DNAAF11: variants seen among roughly 807,000 people sequenced by gnomAD.
DNAAF11 encodes leucine rich repeat containing 6.
In DNAAF11, 45 loss-of-function variants were observed where a neutral mutation model predicts 60.8. The ratio of observed to expected loss-of-function variants is 0.74; its 90% CI spans 0.58 to 0.95. DNAAF11 has a LOEUF of 0.95. Among genes scored for constraint, DNAAF11 ranks in the 40% least tolerant of loss-of-function variants. The pLI is 0.00. For synonymous variants in DNAAF11, 191 were observed against 183.5 expected (o/e 1.04, Z -0.33); for missense variants, 546 against 546.2 (o/e 1.00, Z 0.00).
intron 3 of DNAAF11, among the ~76,000 whole-genome samples, chr8:132,638,928 C>T (rs1821581168): frequency 6.6e-6 from 1 of 152,172 alleles, no homozygotes. Flanking sequence ...CTTCCTCTAC[C>T]TCATCCTTGC....
intron 1 of DNAAF11, among the ~76,000 whole-genome samples, chr8:132,666,210 G>T (rs1015576437): frequency 6.6e-6 from 1 of 152,124 alleles, no homozygotes; most frequent in African/African-American, 2.4e-5. Context: ...ATATACCCAT[G>T]TAACAAACCT....
intron 7 of DNAAF11, among the ~76,000 whole-genome samples, chr8:132,616,042 C>G (rs1229694915): frequency 6.6e-6 from 1 of 152,006 alleles, no homozygotes; most frequent in African/African-American, 2.4e-5. Flanking sequence ...ATCTCAGGAG[C>G]CTTTTTATAT....
Position 132,661,539 on chromosome 8 carries a change from T to G in DNAAF11, c.99A>C (p.Ile33=). The change falls in exon 2 of 12, where the codon ATA becomes ATC. Residue 33 remains isoleucine (I), a synonymous_variant. Coordinates refer to ENST00000620350, the MANE Select transcript of DNAAF11 (RefSeq NM_012472.6). The part of the protein sequence containing the change: ...LEELSLHQQE[I]ERLEHIDKWC... ...ATTTATCAATGTGTTCTAGTCTTTC[T>G]ATTTCTTGCTGATGCAACGAGAGTT... The G allele has an allele frequency of 1.2e-6, 2 of 1,613,916 alleles. No homozygotes were observed. The highest frequency in any genetic ancestry group is 1.7e-6 in the Non-Finnish European group (2 of 1,179,774).
At chr8:132,587,477 C>A (rs1015366167) in intron 10 of DNAAF11, among the ~76,000 whole-genome samples, 1 of 151,774 alleles carries the variant, frequency 6.6e-6, no homozygotes, top group African/African-American at 2.4e-5. Context: ...TCAAATTTGC[C>A]CAAGCAGAGG....
intron 6 of DNAAF11, among the ~76,000 whole-genome samples, chr8:132,624,257 G>C (rs1820037426): frequency 6.6e-6 from 1 of 152,098 alleles, no homozygotes; most frequent in Non-Finnish European, 1.5e-5. Flanking sequence ...ACAGTACAGT[G>C]GGGTAGGTAA....
At chr8:132,683,761 A>T in the DNAAF11 span, among the ~76,000 whole-genome samples, 5 of 152,308 alleles carry the variant, frequency 3.3e-5, no homozygotes, top group East Asian at 7.7e-4. Context: ...GGTACCCAGC[A>T]TCTTTTCTCC....
rs1363620519 is a variant in DNAAF11, at chr8:132,632,956, T to C, written c.437A>G (p.Asp146Gly). Residue 146 changes from aspartate to glycine, a missense_variant, in exon 5 of 12, where the codon GAT (aspartate) becomes GGT (glycine). Physicochemically the swap from Asp to Gly is moderately conservative, Grantham distance 94. Coordinates refer to ENST00000620350, the MANE Select transcript of DNAAF11 (RefSeq NM_012472.6). The stretch of plus-strand genomic sequence containing the variant: ...TTCTGAAGGCTCTATTTCTTTACCA[T>C]CCAACCACTTAAAGAAAAACAATAA... ...VATLPQLKWL[D>G]GKEIEPSERI... The C allele has an allele frequency of 6.2e-7, 1 of 1,608,260 alleles. No individual in the cohort carries two copies. The highest frequency in any genetic ancestry group is 8.5e-7 in the Non-Finnish European group (1 of 1,175,586).
At chr8:132,644,755 C>T (rs561478003) in intron 3 of DNAAF11, among the ~76,000 whole-genome samples, 39 of 152,154 alleles carry the variant, frequency 2.6e-4, no homozygotes, top group Non-Finnish European at 4.9e-4. Context: ...AGTCTGAGAT[C>T]GAACTGCAAG....
At chr8:132,681,235 C>G in the DNAAF11 span, among the ~76,000 whole-genome samples, 6 of 151,006 alleles carry the variant, frequency 4.0e-5, no homozygotes, top group Non-Finnish European at 4.4e-5. Flanking sequence ...GTCTTGAACT[C>G]CTGATATCAG....
intron 1 of DNAAF11, among the ~76,000 whole-genome samples, chr8:132,663,023 CAATGT>C (rs1394777810): frequency 1.3e-5 from 2 of 152,212 alleles, no homozygotes; most frequent in Non-Finnish European, 2.9e-5. Flanking sequence ...AGGACCAGAG[CAATGT>C]AGAGGTTGAG....
intron 3 of DNAAF11, among the ~76,000 whole-genome samples, chr8:132,655,453 A>G (rs1232374523): frequency 6.6e-6 from 1 of 152,158 alleles, no homozygotes; most frequent in Non-Finnish European, 1.5e-5. Flanking sequence ...AGGGAAAACA[A>G]ACAAACAAAC....
chr8:132,579,737 G>A (rs1432425819), intron 11 of DNAAF11, among the ~76,000 whole-genome samples: 2 of 152,184 alleles, frequency 1.3e-5, no homozygotes, highest in Non-Finnish European at 2.9e-5. Context: ...TCTCGTGCCT[G>A]TAATCCCAAC....
At chr8:132,671,908 T>C (rs907989056) in intron 1 of DNAAF11, among the ~76,000 whole-genome samples, 2 of 150,520 alleles carry the variant, frequency 1.3e-5, no homozygotes, top group African/African-American at 2.5e-5. Flanking sequence ...AACCAAAAAT[T>C]ATAAAATTTC....
At chr8:132,638,970 G>T (rs1269560536) in intron 3 of DNAAF11, among the ~76,000 whole-genome samples, 1 of 152,172 alleles carries the variant, frequency 6.6e-6, no homozygotes, top group Non-Finnish European at 1.5e-5. Flanking sequence ...ACAAGCTTCA[G>T]CCTGCTCATC....
At chr8:132,654,408 GAAAC>G (rs1057307302) in intron 3 of DNAAF11, among the ~76,000 whole-genome samples, 1 of 151,792 alleles carries the variant, frequency 6.6e-6, no homozygotes, top group African/African-American at 2.4e-5. Flanking sequence ...AGGAAAGAAA[GAAAC>G]AAAAGGCTAG....
At chr8:132,676,126 G>C (rs983186769), upstream of DNAAF11, among the ~76,000 whole-genome samples, 1 of 152,082 alleles carries the variant, frequency 6.6e-6, no homozygotes, top group Non-Finnish European at 1.5e-5. Flanking sequence ...TCCAACACTC[G>C]TTTCCGGCTA....
At chr8:132,694,839 A>G in the DNAAF11 span, among the ~76,000 whole-genome samples, 1 of 152,204 alleles carries the variant, frequency 6.6e-6, no homozygotes, top group African/African-American at 2.4e-5. Flanking sequence ...GGTGTTTACA[A>G]TCGTGAGTAT....
intron 5 of DNAAF11, among the ~76,000 whole-genome samples, chr8:132,626,050 T>C (rs1820242803): frequency 2.0e-5 from 3 of 148,708 alleles, no homozygotes; most frequent in Admixed American, 2.0e-4. Flanking sequence ...GGCACCTTCT[T>C]TTTTTTCTTT....
chr8:132,696,035 T>G, the DNAAF11 span, among the ~76,000 whole-genome samples: 1 of 152,184 alleles, frequency 6.6e-6, no homozygotes, highest in Non-Finnish European at 1.5e-5. Context: ...AAGTGGAATG[T>G]TCGATATTGA....
Sources: allele counts gnomAD v4.1 joint callset (sites outside exome capture counted in the v4.1 genomes callset), GRCh38; gene constraint gnomAD v4.1.1; transcripts MANE v1.5; gene names NCBI Gene and HGNC (gene_info 2026-07-23, HGNC 2026-07-21).